The following DMTN variants were observed in gnomAD, a reference collection of about 807,000 sequenced individuals.
The protein encoded by DMTN is dematin.
A neutral mutation model predicts 59.4 loss-of-function variants in DMTN; 27 were observed. The observed-to-expected ratio is 0.45, with a 90% CI of 0.33 to 0.63. DMTN has a LOEUF of 0.63. Among genes scored for constraint, DMTN ranks in the 20% least tolerant of loss-of-function variants. The probability of loss-of-function intolerance (pLI) is 0.02; values close to 1 mark genes in which losing one functional copy is unlikely to be tolerated. For synonymous variants in DMTN, 221 were observed against 203.7 expected (o/e 1.08, Z -0.72); for missense variants, 451 against 528.9 (o/e 0.85, Z 1.45).
At position 22,067,084 on chromosome 8, in the gene DMTN, G is replaced by C; in HGVS notation, c.19-1G>C. The C allele has an allele frequency of 6.8e-7, 1 of 1,470,854 alleles. No homozygotes were observed. The highest frequency in any genetic ancestry group is 1.1e-5 in the South Asian group (1 of 88,074). The allele number at this position is 1,470,854 out of a possible 1,614,324, so 91.1% of individuals were successfully genotyped here. ...CCCGCCCGCCTTCTCGCTCTCCCCA[G>C]CAACCACTTACCTCCCCCGGGAGCG... is the stretch of plus-strand genomic sequence containing the variant. On this transcript the variant is annotated splice_acceptor_variant, in intron 2 of 15. Transcript: ENST00000358242. LOFTEE classifies it high-confidence loss of function.
chr8:22,067,039 C>A (rs761378530), intron 2 of DMTN, 46 bp from the exon 3 acceptor site: 8 of 1,550,342 alleles, frequency 5.2e-6, no homozygotes, highest in South Asian at 1.2e-5. Context: ...GCCCCGCTCC[C>A]GCACACACGC....
intron 5 of DMTN, 121 bp downstream of exon 5, chr8:22,069,181 CT>C: frequency 8.7e-7 from 1 of 1,151,482 alleles, no homozygotes; most frequent in Non-Finnish European, 1.2e-6. Flanking sequence ...CAGCGGCCCC[CT>C]GGCTGTCACT....
chr8:22,067,012 G>C (rs957742692), intron 2 of DMTN, 73 bp from the exon 3 acceptor site: 1 of 1,419,180 alleles, frequency 7.0e-7, no homozygotes, highest in Non-Finnish European at 9.3e-7. Context: ...GGGTCCCCCA[G>C]GCCTAGGGCC....
intron 10 of DMTN, among the ~76,000 whole-genome samples, chr8:22,074,360 A>G (rs73545582): frequency 0.12 from 18,239 of 152,120 alleles, 1,206 homozygotes; most frequent in Admixed American, 0.15. Context: ...TGCAAACTCC[A>G]CCTCTCAGGC....
chr8:22,069,967 G>A (rs748565930), intron 7 of DMTN, 30 bp downstream of exon 7: 1 of 1,612,944 alleles, frequency 6.2e-7, no homozygotes, highest in Non-Finnish European at 8.5e-7. Flanking sequence ...ACCAGAGCCT[G>A]CTTCCGGCTG....
At chr8:22,067,035 C>G in intron 2 of DMTN, 50 bp from the exon 3 acceptor site, 1 of 1,537,996 alleles carries the variant, frequency 6.5e-7, no homozygotes. Flanking sequence ...CCCCGCCCCG[C>G]TCCCGCACAC....
chr8:22,075,820 A>G (rs1819373106), intron 10 of DMTN, among the ~76,000 whole-genome samples: 1 of 152,144 alleles, frequency 6.6e-6, no homozygotes, highest in South Asian at 2.1e-4. Flanking sequence ...CGCCCAGCCA[A>G]GACTCCACTT....
intron 1 of DMTN, 105 bp downstream of exon 1, chr8:22,057,241 CCCA>C (rs1179639666): frequency 6.6e-6 from 1 of 152,470 alleles, no homozygotes; most frequent in African/African-American, 2.4e-5. Context: ...CTGGGGGGAG[CCCA>C]CTGTGGGCCC....
At position 22,080,634 on chromosome 8, in the gene DMTN, C is replaced by A; in HGVS notation, c.957+9C>A. On this transcript the variant is annotated intron_variant, in intron 13 of 15. Coordinates refer to ENST00000358242, the MANE Select transcript of DMTN (RefSeq NM_001387751.1). ...CTCCCGCAGGCCTGCAGGTGAGTGC[C>A]TCCTGGAGGGGAACAGGCAGAGCAG... 6.2e-7 allele frequency: 1 copy of A among 1,604,128 alleles called. No individual in the cohort carries two copies.
chr8:22,069,991 C>T (rs562322256), intron 7 of DMTN, 54 bp downstream of exon 7: 17 of 1,607,090 alleles, frequency 1.1e-5, no homozygotes, highest in South Asian at 2.2e-5. Flanking sequence ...GCTGGGAGGC[C>T]GTGCCCTGGG....
chr8:22,067,726 C>G (rs149964975), intron 4 of DMTN, 44 bp downstream of exon 4: 2 of 1,604,554 alleles, frequency 1.2e-6, no homozygotes, highest in African/African-American at 2.7e-5. Flanking sequence ...GAGGCCCCCC[C>G]CAGCCACACT....
Position 22,066,744 on chromosome 8 carries a change from C to T in DMTN, c.-132C>T. The T allele has an allele frequency of 1.9e-6, 2 of 1,046,890 alleles. No homozygotes were observed. The highest frequency in any genetic ancestry group is 1.3e-6 in the Non-Finnish European group (1 of 798,378). 64.9% of individuals were successfully genotyped at this position (1,046,890 alleles called of 1,614,324 possible). A position where few individuals can be genotyped will look rare whatever the true frequency, so the allele number is the denominator to read the frequency against. On this transcript the variant is annotated 5_prime_UTR_variant, in exon 2 of 16. Coordinates refer to ENST00000358242, the MANE Select transcript of DMTN (RefSeq NM_001387751.1). ...GCCGAGGGATGAGGACGCGCCAGCC[C>T]GGGGGAACGCGCCAGCTGCTTTCGC...
At chr8:22,067,004 G>T (rs1350460784) in intron 2 of DMTN, 81 bp from the exon 3 acceptor site, 8 of 1,313,856 alleles carry the variant, frequency 6.1e-6, no homozygotes, top group Non-Finnish European at 6.8e-6. Flanking sequence ...AGCGCCCCGG[G>T]TCCCCCAGGC....
intron 9 of DMTN, among the ~76,000 whole-genome samples, chr8:22,073,094 C>T (rs1816985025): frequency 6.6e-6 from 1 of 152,214 alleles, no homozygotes; most frequent in African/African-American, 2.4e-5. Context: ...AGACCATTGA[C>T]AGTGACATGG....
At chr8:22,074,200 G>A (rs561213833) in intron 10 of DMTN, among the ~76,000 whole-genome samples, 20 of 152,326 alleles carry the variant, frequency 1.3e-4, no homozygotes, top group African/African-American at 4.1e-4. Context: ...ATCAAGGTGC[G>A]CGGGGTGCTT....
chr8:22,072,472 C>T, intron 9 of DMTN, 22 bp downstream of exon 9: 1 of 1,537,338 alleles, frequency 6.5e-7, no homozygotes, highest in East Asian at 2.5e-5. Flanking sequence ...CCACCCCCAC[C>T]CTCCACCCCT....
chr8:22,080,687 T>C (rs1008721762), intron 13 of DMTN, 62 bp downstream of exon 13: 1 of 1,585,458 alleles, frequency 6.3e-7, no homozygotes, highest in African/African-American at 1.3e-5. Flanking sequence ...CACCCGAAAG[T>C]GTCAGGGGAA....
intron 10 of DMTN, among the ~76,000 whole-genome samples, chr8:22,078,002 T>C (rs1758616195): frequency 6.6e-6 from 1 of 152,038 alleles, no homozygotes; most frequent in African/African-American, 2.4e-5. Flanking sequence ...TAAAAATAAG[T>C]GTTAGGGGTA....
chr8:22,055,128 A>T (rs910738940), upstream of DMTN: 1 of 152,246 alleles, frequency 6.6e-6, no homozygotes, highest in African/African-American at 2.4e-5. Flanking sequence ...CAGCGATTCT[A>T]CCCATTCCTC....
Sources: allele counts gnomAD v4.1 joint callset (sites outside exome capture counted in the v4.1 genomes callset), GRCh38; gene constraint gnomAD v4.1.1; transcripts MANE v1.5; gene names NCBI Gene and HGNC (gene_info 2026-07-23, HGNC 2026-07-21).